TRRAP: variants seen among roughly 807,000 people sequenced by gnomAD.
TRRAP encodes transformation/transcription domain-associated protein.
TRRAP carries 41 observed loss-of-function variants against 438.8 expected under a neutral mutation model. That is an observed-to-expected ratio of 0.09 (90% CI 0.07 to 0.12). TRRAP has a LOEUF of 0.12. TRRAP is among the 10% of genes least tolerant of loss of function. The pLI is 1.00. For missense variants in TRRAP, 3,122 were observed against 5,055.1 expected, an observed-to-expected ratio of 0.62 and a Z score of 11.60; for synonymous variants, 1,994 against 1,962.9, an observed-to-expected ratio of 1.02 and a Z score of -0.42.
rs1584306006 is a variant in TRRAP at position 98,915,589 on chromosome 7, G to T, written c.2200-134G>T. 1.4e-5 allele frequency: 15 copies of T among 1,051,582 alleles called. No individual in the cohort carries two copies. The East Asian group carries it at 3.8e-4, about 26-fold the overall frequency. The allele number at this position is 1,051,582 out of a possible 1,614,324, so 65.1% of individuals were successfully genotyped here. A position where few individuals can be genotyped will look rare whatever the true frequency, so the allele number is the denominator to read the frequency against. ...AATAAAGATTGGAATATGCTTGTTT[G>T]GTTTTTTCCCTTTGGAGTAAACACA... On this transcript the variant is annotated intron_variant, in intron 18 of 72. Coordinates refer to ENST00000456197, the MANE Select transcript of TRRAP (RefSeq NM_001375524.1).
chr7:98,975,225 G>C (rs1792602565), intron 53 of TRRAP, among the ~76,000 whole-genome samples: 1 of 152,204 alleles, frequency 6.6e-6, no homozygotes, highest in African/African-American at 2.4e-5. Flanking sequence ...TGAAAGATTT[G>C]TATCCTTGGT....
In TRRAP at chr7:99,007,553, T is replaced by C. The variant is rs181536194; in HGVS notation, c.10754-824T>C. On this transcript the variant is annotated intron_variant, in intron 69 of 72. Transcript: ENST00000456197. ...TAGTAGAGATGGGGTTTTGCCATGT[T>C]GGCCAGGCTGGTCTCAAACTCCTGA... Among the ~76,000 whole-genome samples the C allele has an allele frequency of 7.2e-4, 110 of 152,178 alleles. 1 individual carries two copies. The East Asian group carries it at 0.021, about 28-fold the overall frequency.
At chr7:98,944,526 G>A (rs1790953269) in intron 31 of TRRAP, among the ~76,000 whole-genome samples, 1 of 152,128 alleles carries the variant, frequency 6.6e-6, no homozygotes, top group Non-Finnish European at 1.5e-5. Context: ...AGCTCTGTGA[G>A]GTTGGCCGCT....
In TRRAP at chr7:99,011,623, C is replaced by T; in HGVS notation, c.11337+88C>T. 2 of 1,460,028 alleles carry T rather than the reference C, an allele frequency of 1.4e-6. No individual in the cohort carries two copies. The highest frequency in any genetic ancestry group is 1.9e-6 in the Non-Finnish European group (2 of 1,080,440). The allele number at this position is 1,460,028 out of a possible 1,614,324, so 90.4% of individuals were successfully genotyped here. A position where few individuals can be genotyped will look rare whatever the true frequency, so the allele number is the denominator to read the frequency against. On this transcript the variant is annotated intron_variant, in intron 72 of 72. Transcript: ENST00000456197. This position sits in a 1 kb window ranked among gnomAD's most constrained non-coding sequence, Gnocchi z 7.1. The stretch of plus-strand genomic sequence containing the variant: ...CGGCCTTGCAGGAGCTGCTGATGTG[C>T]CTCACGGGCTCTGCGCTCTCCACAG...
intron 5 of TRRAP, among the ~76,000 whole-genome samples, chr7:98,893,338 G>A (rs1796058199): frequency 6.6e-6 from 1 of 152,160 alleles, no homozygotes; most frequent in Non-Finnish European, 1.5e-5. Flanking sequence ...GGGGCGCTTT[G>A]TTGCTGTGTC....
chr7:98,954,384 C>G (rs3801245), intron 40 of TRRAP, among the ~76,000 whole-genome samples: 1 of 152,248 alleles, frequency 6.6e-6, no homozygotes, highest in Non-Finnish European at 1.5e-5. Flanking sequence ...GTGAGACCGT[C>G]TTTGACAGCT....
At chr7:98,879,181 A>G (rs1795305978) in intron 1 of TRRAP, among the ~76,000 whole-genome samples, 1 of 152,048 alleles carries the variant, frequency 6.6e-6, no homozygotes. Context: ...CAGGAGTAGG[A>G]GCAGGCCCGG....
At chr7:98,920,072 G>T (rs184342187) in intron 20 of TRRAP, among the ~76,000 whole-genome samples, 37 of 152,340 alleles carry the variant, frequency 2.4e-4, no homozygotes, top group Non-Finnish European at 4.3e-4. Context: ...GAACGTAAGA[G>T]AAATTGGAAT....
At chr7:98,920,780 G>A (rs1228290106) in intron 20 of TRRAP, among the ~76,000 whole-genome samples, 5 of 152,040 alleles carry the variant, frequency 3.3e-5, no homozygotes, top group Non-Finnish European at 5.9e-5. Flanking sequence ...CTGAGAAGTT[G>A]CCATCCCACC....
chr7:98,984,051 G>A (rs1793051455), intron 60 of TRRAP, 42 bp from the exon 61 acceptor site: 1 of 1,510,998 alleles, frequency 6.6e-7, no homozygotes. Context: ...TGCTTTGAAA[G>A]AGGATCGGTG....
At chr7:99,001,511 G>A (rs1051147332) in intron 67 of TRRAP, among the ~76,000 whole-genome samples, 1 of 151,968 alleles carries the variant, frequency 6.6e-6, no homozygotes, top group Non-Finnish European at 1.5e-5. Context: ...ATCAGAAATG[G>A]GATAGATCTT....
In TRRAP at chr7:98,948,539, G is replaced by A; in HGVS notation, c.4669-27G>A. 6.2e-7 allele frequency: 1 copy of A among 1,614,138 alleles called. No individual in the cohort carries two copies. ...AAGCTCTGAGAAGAGGAAGTTGTGA[G>A]ATGCAGCATTCCCACATGTTTTGCA... On this transcript the variant is annotated intron_variant, in intron 34 of 72. Transcript: ENST00000456197. This position sits in a 1 kb window ranked among gnomAD's most constrained non-coding sequence, Gnocchi z 4.9.
At chr7:98,973,691 G>A (rs1792521732) in intron 53 of TRRAP, among the ~76,000 whole-genome samples, 1 of 152,174 alleles carries the variant, frequency 6.6e-6, no homozygotes, top group Non-Finnish European at 1.5e-5. Flanking sequence ...GCCCATCTGT[G>A]TCACCCTTTG....
At chr7:98,919,480 T>C (rs368434400) in intron 20 of TRRAP, among the ~76,000 whole-genome samples, 18 of 152,196 alleles carry the variant, frequency 1.2e-4, no homozygotes, top group East Asian at 5.8e-4. Flanking sequence ...TACATGCCTG[T>C]AGTCCCAGCT....
chr7:98,980,983 G>C (rs898305742), intron 58 of TRRAP, among the ~76,000 whole-genome samples: 7 of 152,204 alleles, frequency 4.6e-5, no homozygotes, highest in Admixed American at 1.3e-4. Context: ...GAGCCCTGGA[G>C]GGGCTGTAGT....
chr7:98,878,906 G>T lies in TRRAP; in HGVS notation c.-62+269G>T, dbSNP rs574058970. 2.6e-5 allele frequency among the ~76,000 whole-genome samples: 4 copies of T among 152,290 alleles called. No homozygotes were observed. In the East Asian group the frequency reaches 5.8e-4, roughly 22 times the overall value. ...TCGCCGTAGCTCGGCCTGGGACGCG[G>T]TCACGGAGCGCCCGGGACGGCGACC... is the stretch of plus-strand genomic sequence containing the variant. On this transcript the variant is annotated intron_variant, in intron 1 of 72. Transcript: ENST00000456197.
chr7:98,933,221 C>T lies in TRRAP; in HGVS notation c.3853-20C>T. On this transcript the variant is annotated intron_variant, in intron 26 of 72. Transcript: ENST00000456197. ...TCAAGGGGCAGCTGGTGAGTGGTGC[C>T]TCCTCCTTGGCTTCCCCAGGTCCTG... 1 of 1,600,460 alleles carries T rather than the reference C, an allele frequency of 6.2e-7. No homozygotes were observed. The highest frequency in any genetic ancestry group is 1.1e-5 in the South Asian group (1 of 89,082).
chr7:98,933,191 G>C (rs782124871), intron 26 of TRRAP, 50 bp from the exon 27 acceptor site: 21 of 1,531,092 alleles, frequency 1.4e-5, no homozygotes, highest in Non-Finnish European at 3.5e-6. Flanking sequence ...AAAAGTGTTT[G>C]TGTCTCAAGG....
chr7:98,987,560 G>A (rs1793205617), intron 62 of TRRAP, among the ~76,000 whole-genome samples: 1 of 152,204 alleles, frequency 6.6e-6, no homozygotes, highest in Non-Finnish European at 1.5e-5. Context: ...CAACCTTGCT[G>A]AGTGTATTTG....
Sources: gnomAD v4.1 joint callset for allele counts (sites outside exome capture counted in the v4.1 genomes callset) on GRCh38, gnomAD v4.1.1 for gene constraint, Gnocchi (gnomAD v3.1) non-coding constraint, MANE v1.5 for transcripts, NCBI Gene and HGNC (gene_info 2026-07-23, HGNC 2026-07-21) for gene names.